The following IGSF21 variants were observed in gnomAD, a reference collection of about 807,000 sequenced individuals.
IGSF21 encodes immunoglobin superfamily member 21.
Under a neutral mutation model 46.8 loss-of-function variants are expected in IGSF21, and 28 were observed. The ratio of observed to expected loss-of-function variants is 0.60; its 90% confidence interval spans 0.44 to 0.82. IGSF21 has a LOEUF of 0.82. Ranked by LOEUF, IGSF21 falls within the 40% of genes least tolerant of loss-of-function variation. The pLI, the probability that IGSF21 is intolerant of heterozygous loss-of-function variation, is 0.00. For synonymous variants in IGSF21, 284 were observed against 273.6 expected (o/e 1.04, Z -0.38); for missense variants, 624 against 665.5 (o/e 0.94, Z 0.69).
intron 2 of IGSF21, chr1:18,278,721 T>C: frequency 2.4e-6 from 1 of 409,914 alleles, no homozygotes; most frequent in East Asian, 7.4e-5. Flanking sequence ...GCCTGGCTAA[T>C]TTTCTGATAT....
At chr1:18,356,715 G>A (rs1033490978) in intron 4 of IGSF21, among the ~76,000 whole-genome samples, 3 of 152,192 alleles carry the variant, frequency 2.0e-5, no homozygotes, top group Non-Finnish European at 4.4e-5. Context: ...TGGGAATGGC[G>A]ATGAGAATGG....
At chr1:18,223,877 C>T (rs910361444) in intron 1 of IGSF21, among the ~76,000 whole-genome samples, 1 of 152,218 alleles carries the variant, frequency 6.6e-6, no homozygotes, top group Non-Finnish European at 1.5e-5. Context: ...CCCACTCCCT[C>T]AGCTTCCTGC....
intron 1 of IGSF21, among the ~76,000 whole-genome samples, chr1:18,199,728 C>A (rs1208097092): frequency 6.6e-6 from 1 of 152,150 alleles, no homozygotes; most frequent in African/African-American, 2.4e-5. Flanking sequence ...TGCAAAGCTC[C>A]GACTTTATTT....
chr1:18,240,092 AC>A (rs1384962734), intron 2 of IGSF21, among the ~76,000 whole-genome samples: 4 of 152,170 alleles, frequency 2.6e-5, no homozygotes, highest in African/African-American at 9.7e-5. Flanking sequence ...ATCCTGGGCA[AC>A]CTGACAAAAC....
intron 2 of IGSF21, among the ~76,000 whole-genome samples, chr1:18,257,319 A>G (rs2084901659): frequency 6.6e-6 from 1 of 152,200 alleles, no homozygotes; most frequent in Non-Finnish European, 1.5e-5. Flanking sequence ...GCAGAATGGA[A>G]GTCAGACCTA....
At chr1:18,237,376 G>A (rs546182355) in intron 2 of IGSF21, among the ~76,000 whole-genome samples, 5 of 152,180 alleles carry the variant, frequency 3.3e-5, no homozygotes, top group Non-Finnish European at 5.9e-5. Context: ...AGCGCTTCCC[G>A]TCCAGTTGCC....
intron 1 of IGSF21, among the ~76,000 whole-genome samples, chr1:18,224,098 C>T (rs1376394327): frequency 1.3e-5 from 2 of 152,196 alleles, no homozygotes; most frequent in Non-Finnish European, 2.9e-5. Flanking sequence ...CAAAGAGGCA[C>T]CCACTCACTC....
chr1:18,177,085 T>G (rs2086806671), intron 1 of IGSF21, among the ~76,000 whole-genome samples: 3 of 152,236 alleles, frequency 2.0e-5, no homozygotes, highest in Non-Finnish European at 4.4e-5. Flanking sequence ...TAACCATGAC[T>G]TTATTGTATC....
At chr1:18,153,087 C>T (rs903905793) in intron 1 of IGSF21, among the ~76,000 whole-genome samples, 1 of 152,124 alleles carries the variant, frequency 6.6e-6, no homozygotes, top group Non-Finnish European at 1.5e-5. Context: ...AGTGTTCGAG[C>T]CCCCAAGGGC....
At chr1:18,289,976 T>G (rs1243092498) in intron 2 of IGSF21, among the ~76,000 whole-genome samples, 4 of 152,068 alleles carry the variant, frequency 2.6e-5, no homozygotes, top group African/African-American at 9.7e-5. Context: ...GCTGGGACAT[T>G]GGGATGTGGG....
intron 2 of IGSF21, among the ~76,000 whole-genome samples, chr1:18,285,203 T>C (rs370768147): frequency 7.7e-6 from 1 of 129,078 alleles, no homozygotes; most frequent in Non-Finnish European, 1.7e-5. Flanking sequence ...TTTTTTTTTT[T>C]CTTTTTCGGA....
At chr1:18,176,607 GCC>G (rs1557572823) in intron 1 of IGSF21, among the ~76,000 whole-genome samples, 4 of 152,182 alleles carry the variant, frequency 2.6e-5, no homozygotes, top group African/African-American at 9.7e-5. Flanking sequence ...ACACTGATGT[GCC>G]GTTTTCACTA....
At chr1:18,234,042 T>C (rs2084651734) in intron 2 of IGSF21, among the ~76,000 whole-genome samples, 1 of 152,132 alleles carries the variant, frequency 6.6e-6, no homozygotes, top group Admixed American at 6.5e-5. Flanking sequence ...AGGTACACTC[T>C]CGGGTGACCA....
intron 4 of IGSF21, among the ~76,000 whole-genome samples, chr1:18,351,947 C>G (rs775347824): frequency 2.1e-4 from 32 of 152,184 alleles, no homozygotes; most frequent in Non-Finnish European, 4.0e-4. Context: ...CAGCAAAACT[C>G]CAGGAGCAGA....
chr1:18,285,085 G>T (rs2085199681), intron 2 of IGSF21, among the ~76,000 whole-genome samples: 1 of 152,158 alleles, frequency 6.6e-6, no homozygotes, highest in Admixed American at 6.5e-5. Flanking sequence ...GCCCATAAGT[G>T]GGATATCAAG....
chr1:18,311,520 C>T (rs1161355737), intron 3 of IGSF21, among the ~76,000 whole-genome samples: 1 of 152,192 alleles, frequency 6.6e-6, no homozygotes, highest in African/African-American at 2.4e-5. Context: ...GTGTCTTCAC[C>T]TCTCTGCCAT....
chr1:18,246,986 A>G (rs78471888), intron 2 of IGSF21, among the ~76,000 whole-genome samples: 2,715 of 152,124 alleles, frequency 0.018, 73 homozygotes, highest in African/African-American at 0.059. Context: ...TCCATTGTAT[A>G]GACAAGAAAA....
intron 2 of IGSF21, among the ~76,000 whole-genome samples, chr1:18,277,511 C>T (rs1264107844): frequency 2.0e-5 from 3 of 152,110 alleles, no homozygotes; most frequent in Admixed American, 6.5e-5. Flanking sequence ...GACCCTTTGT[C>T]AAACAAAGCA....
intron 7 of IGSF21, 92 bp downstream of exon 7, chr1:18,376,487 C>G (rs1233685070): frequency 1.0e-6 from 1 of 955,722 alleles, no homozygotes; most frequent in Admixed American, 1.7e-5. Context: ...CTCTAACACT[C>G]TTCCTTTGAT....
Sources: gnomAD v4.1 joint callset for allele counts (sites outside exome capture counted in the v4.1 genomes callset) on GRCh38, gnomAD v4.1.1 for gene constraint, MANE v1.5 for transcripts, NCBI Gene and HGNC (gene_info 2026-07-23, HGNC 2026-07-21) for gene names.